RNPC3: variants seen among roughly 807,000 people sequenced by gnomAD.
The protein encoded by RNPC3 is RNA binding region (RNP1, RRM) containing 3.
Under a neutral mutation model 67.5 loss-of-function variants are expected in RNPC3, and 48 were observed. The observed-to-expected ratio is 0.71, with a 90% CI of 0.56 to 0.90. The LOEUF (loss-of-function observed/expected upper bound fraction) is 0.90, where lower values mean the gene tolerates loss of function less well. Among genes scored for constraint, RNPC3 ranks in the 40% least tolerant of loss-of-function variants. The pLI is 0.00. For missense variants in RNPC3, 637 were observed against 626.1 expected (o/e 1.02, Z -0.19); for synonymous variants, 239 against 210.3 (o/e 1.14, Z -1.18).
At chr1:103,552,518 T>G (rs1012164947) in intron 14 of RNPC3, 3 of 151,970 alleles carry the variant, frequency 2.0e-5, no homozygotes, top group Admixed American at 6.6e-5. Flanking sequence ...TCTCAGCAAT[T>G]TGGGAAGTGG....
At chr1:103,535,041 T>C (rs1650947740) in intron 4 of RNPC3, among the ~76,000 whole-genome samples, 184 bp downstream of exon 4, 2 of 152,042 alleles carry the variant, frequency 1.3e-5, no homozygotes, top group South Asian at 4.1e-4. Context: ...AGATATTTAA[T>C]GTCATGCATA....
In RNPC3 at chr1:103,528,540, A is replaced by T. The variant is rs114685711; in HGVS notation, c.240+798A>T. Among the ~76,000 whole-genome samples the T allele has an allele frequency of 6.0e-3, 916 of 152,286 alleles. 3 individuals carry two copies. The highest frequency in any genetic ancestry group is 9.5e-3 in the Non-Finnish European group (647 of 68,012). On this transcript the variant is annotated intron_variant, in intron 2 of 14. Transcript: ENST00000423855. ...AGGGGTTGAGAGAGAATAGTTCAGG[A>T]TATTTAGATTGAGGATTGAGTTATT... is the stretch of plus-strand genomic sequence containing the variant.
intron 7 of RNPC3, among the ~76,000 whole-genome samples, chr1:103,538,045 A>G (rs1244256384): frequency 1.3e-5 from 2 of 151,764 alleles, no homozygotes; most frequent in Non-Finnish European, 2.9e-5. Flanking sequence ...GGGTTTCTCC[A>G]TGTTGGTCAG....
intron 1 of RNPC3, among the ~76,000 whole-genome samples, chr1:103,527,492 T>C (rs1488982687): frequency 6.6e-6 from 1 of 152,216 alleles, no homozygotes; most frequent in Non-Finnish European, 1.5e-5. Flanking sequence ...TGATAGAGGT[T>C]GCATAGCTTT....
intron 14 of RNPC3, chr1:103,553,131 C>T (rs1047178570): frequency 7.9e-5 from 12 of 151,936 alleles, no homozygotes; most frequent in Non-Finnish European, 1.8e-4. Flanking sequence ...TTTTGTTGTA[C>T]GTCTATACTG....
chr1:103,543,652 C>G (rs1651178260), intron 9 of RNPC3, among the ~76,000 whole-genome samples: 1 of 151,450 alleles, frequency 6.6e-6, no homozygotes, highest in East Asian at 1.9e-4. Context: ...TCACTGTTAC[C>G]CTTTGCTAAT....
chr1:103,544,903 G>T (rs1485559673), intron 9 of RNPC3, 38 bp from the exon 10 acceptor site: 2 of 1,353,584 alleles, frequency 1.5e-6, no homozygotes, highest in South Asian at 1.5e-5. Flanking sequence ...TTTTAAAGGA[G>T]AGATTCTTAA....
At chr1:103,537,271 G>T in intron 6 of RNPC3, 71 bp from the exon 7 acceptor site, 6 of 1,000,240 alleles carry the variant, frequency 6.0e-6, no homozygotes, top group Non-Finnish European at 5.6e-6. Context: ...TGAGAATGAA[G>T]TATTCAGATG....
chr1:103,533,495 G>A (rs1243999791), intron 2 of RNPC3, among the ~76,000 whole-genome samples: 1 of 151,984 alleles, frequency 6.6e-6, no homozygotes, highest in Non-Finnish European at 1.5e-5. Context: ...ATTTTCAGCT[G>A]CCTGGGTATA....
Position 103,529,654 on chromosome 1 carries a change from T to C in RNPC3, c.240+1912T>C, listed in dbSNP as rs546012026. On this transcript the variant is annotated intron_variant, in intron 2 of 14. Transcript: ENST00000423855. ...AGTAAGTCAGGTTAGATGACCTTCA[T>C]TTCAGATAATCAAGGCTTCACTGAT... Among the ~76,000 whole-genome samples the C allele has an allele frequency of 3.2e-4, 48 of 152,314 alleles. 1 individual carries two copies. The highest frequency in any genetic ancestry group is 2.9e-3 in the Admixed American group (45 of 15,308).
At position 103,543,446 on chromosome 1, in the gene RNPC3, T is replaced by C. The variant is rs758926890; in HGVS notation, c.1044T>C (p.His348=). 103 of 1,499,424 alleles carry C rather than the reference T, an allele frequency of 6.9e-5. No individual in the cohort carries two copies. Among genetic ancestry groups the C allele is most frequent in the Middle Eastern group, 1.7e-4 (1 of 5,856 alleles). 92.9% of individuals were successfully genotyped at this position (1,499,424 alleles called of 1,614,324 possible). A position where few individuals can be genotyped will look rare whatever the true frequency, so the allele number is the denominator to read the frequency against. The change falls in exon 9 of 15, where the codon CAT becomes CAC. Residue 348 remains histidine, a splice_region_variant and synonymous_variant. Transcript: ENST00000423855. Reference sequence around the variant, plus strand: ...AACAAAATTGTGAGGAAAAAAATCATGGTAAGGATATTCTAGTTATTTCAC... The same window carrying C: ...AACAAAATTGTGAGGAAAAAAATCACGGTAAGGATATTCTAGTTATTTCAC... ...EKEQNCEEKN[H]DLPATEVDAS...
At chr1:103,545,987 ATCAAT>A (rs1451330986) in intron 10 of RNPC3, 5 of 174,588 alleles carry the variant, frequency 2.9e-5, no homozygotes, top group Middle Eastern at 2.3e-3. Flanking sequence ...TTTTTATATA[ATCAAT>A]TCAGATTTTC....
At chr1:103,551,136 A>T (rs1027042715) in intron 13 of RNPC3, 63 bp downstream of exon 13, 2 of 1,372,806 alleles carry the variant, frequency 1.5e-6, no homozygotes, top group African/African-American at 3.0e-5. Context: ...ACTGAAATTA[A>T]TTTTCATGTT....
At position 103,536,126 on chromosome 1, in the gene RNPC3, G is replaced by T; in HGVS notation, c.556G>T (p.Val186Phe). The T allele has an allele frequency of 6.5e-7, 1 of 1,531,740 alleles. No homozygotes were observed. The highest frequency in any genetic ancestry group is 8.8e-7 in the Non-Finnish European group (1 of 1,142,146). The allele number at this position is 1,531,740 out of a possible 1,614,324, so 94.9% of individuals were successfully genotyped here. ...LASVPKFYVQ[V>F]LHLMNKMNLP... ...AATTTAAATGTCTTACCACTTTAAG[G>T]TCCTTCATCTTATGAATAAAATGAA... is the stretch of plus-strand genomic sequence containing the variant. The change falls in exon 6 of 15, where the codon GTC (valine) becomes TTC (phenylalanine). Residue 186 changes from valine to phenylalanine, a missense_variant and splice_region_variant. By Grantham distance (50) the Val-to-Phe change is conservative. Around this residue, in one of 3 missense-constraint regions of RNPC3, gnomAD observed 536 missense variants for 500.3 expected, o/e 1.07. Transcript: ENST00000423855.
At chr1:103,548,721 T>C (rs1159848715) in intron 12 of RNPC3, among the ~76,000 whole-genome samples, 1 of 152,216 alleles carries the variant, frequency 6.6e-6, no homozygotes, top group African/African-American at 2.4e-5. Context: ...TCCACATTTT[T>C]GGGTATCTTT....
intron 6 of RNPC3, among the ~76,000 whole-genome samples, chr1:103,536,900 T>C (rs1170912111): frequency 6.6e-6 from 1 of 152,184 alleles, no homozygotes; most frequent in Non-Finnish European, 1.5e-5. Flanking sequence ...ATAAAAGTTA[T>C]TTTTGGTTAT....
chr1:103,535,063 T>G (rs568664708), intron 4 of RNPC3, among the ~76,000 whole-genome samples: 2 of 152,128 alleles, frequency 1.3e-5, no homozygotes, highest in East Asian at 3.9e-4. Flanking sequence ...TTTTAATATG[T>G]TGAATAAACA....
rs943717746 is a variant in RNPC3 at position 103,526,092 on chromosome 1, C to T, written c.22C>T (p.Leu8Phe). ...GAAAATGGCAGCTCCCGAGCAGCCG[C>T]TTGCGATATCAAGGGGATGCACGAG... MAAPEQP[L>F]AISRGCTSSS... The change falls in exon 1 of 15, where the codon CTT (leucine) becomes TTT (phenylalanine). Residue 8 changes from leucine (L) to phenylalanine (F), a missense_variant. Around this residue, in one of 3 missense-constraint regions of RNPC3, gnomAD observed 536 missense variants for 500.3 expected, o/e 1.07. Coordinates refer to ENST00000423855, the MANE Select transcript of RNPC3 (RefSeq NM_017619.4). 1.3e-5 allele frequency: 20 copies of T among 1,544,866 alleles called. No homozygotes were observed. The highest frequency in any genetic ancestry group is 1.5e-5 in the Non-Finnish European group (17 of 1,142,918).
intron 9 of RNPC3, among the ~76,000 whole-genome samples, chr1:103,543,881 G>A (rs1651182320): frequency 6.6e-6 from 1 of 151,590 alleles, no homozygotes; most frequent in Admixed American, 6.6e-5. Flanking sequence ...TAATCCAAAA[G>A]ACATGGAAGA....
Sources: gnomAD v4.1 joint callset for allele counts (sites outside exome capture counted in the v4.1 genomes callset) on GRCh38, gnomAD v4.1.1 for gene constraint, gnomAD v4.1.1 regional missense constraint, MANE v1.5 for transcripts, NCBI Gene and HGNC (gene_info 2026-07-23, HGNC 2026-07-21) for gene names.